The following TRIM24 variants were observed in gnomAD, a reference collection of about 807,000 sequenced individuals.
TRIM24 encodes transcription intermediary factor 1-alpha.
TRIM24 carries 29 observed loss-of-function variants against 123.9 expected under a neutral mutation model. That is an observed-to-expected ratio of 0.23 (90% CI 0.17 to 0.32). The LOEUF (loss-of-function observed/expected upper bound fraction) is 0.32. Among genes scored for constraint, TRIM24 ranks in the 10% least tolerant of loss-of-function variants. The pLI is 1.00. For missense variants in TRIM24, 932 were observed against 1,295.3 expected, an observed-to-expected ratio of 0.72 and a Z score of 4.31; for synonymous variants, 456 against 461.1, an observed-to-expected ratio of 0.99 and a Z score of 0.14.
rs189409243 is a variant in TRIM24, at chr7:138,585,590, G to A, written c.*639G>A. The A allele has an allele frequency of 1.3e-3, 381 of 303,112 alleles. 2 individuals are homozygous for A. Among genetic ancestry groups the A allele is most frequent in the African/African-American group, 0.01 (355 of 34,942 alleles). 18.8% of individuals were successfully genotyped at this position (303,112 alleles called of 1,614,324 possible). The stretch of plus-strand genomic sequence containing the variant: ...TTAAAGAAAAATCCGGAAAACAAAT[G>A]TTTGATTTTTGTTTTTGTTTTTATC... On this transcript the variant is annotated 3_prime_UTR_variant, in exon 19 of 19. Transcript: ENST00000343526.
chr7:138,573,440 A>C (rs1161310414), intron 11 of TRIM24, 67 bp from the exon 12 acceptor site: 28 of 1,391,974 alleles, frequency 2.0e-5, no homozygotes, highest in Non-Finnish European at 2.6e-5. Context: ...AAGCTTTCTT[A>C]TAAATTTAAA....
chr7:138,556,276 C>G (rs1797314913), intron 9 of TRIM24: 1 of 152,090 alleles, frequency 6.6e-6, no homozygotes, highest in Non-Finnish European at 1.5e-5. Context: ...CAGAATTTCA[C>G]TTGCTTAGAA....
intron 14 of TRIM24, among the ~76,000 whole-genome samples, chr7:138,578,563 T>TGTGTGCGC (rs145011901): frequency 1.6e-3 from 239 of 145,080 alleles, no homozygotes; most frequent in African/African-American, 2.3e-3. Context: ...TGTGTGTGTG[T>TGTGTGCGC]GCGCGCACGC....
chr7:138,535,149 T>G (rs1354539137), intron 6 of TRIM24, among the ~76,000 whole-genome samples: 1 of 152,222 alleles, frequency 6.6e-6, no homozygotes, highest in Non-Finnish European at 1.5e-5. Context: ...AGGACACTGA[T>G]GGGTCTTGAC....
At position 138,550,318 on chromosome 7, in the gene TRIM24, GGTGTGTGT is replaced by G. The variant is rs10548154; in HGVS notation, c.1144-725_1144-718del. Among the ~76,000 whole-genome samples the G allele has an allele frequency of 8.1e-5, 12 of 147,574 alleles. 2 individuals are homozygous for G. Among genetic ancestry groups the G allele is most frequent in the Admixed American group, 7.5e-4 (11 of 14,764 alleles). On this transcript the variant is annotated intron_variant, in intron 7 of 18. Transcript: ENST00000343526. ...TTGAGTGAGAGAAAGAGGAGTTGAT[GGTGTGTGT>G]GTGTGTGTGTGTGTGTGTGCAAAGT...
chr7:138,491,997 G>A (rs1795796816), intron 1 of TRIM24, among the ~76,000 whole-genome samples: 1 of 151,352 alleles, frequency 6.6e-6, no homozygotes, highest in Non-Finnish European at 1.5e-5. Context: ...AGGCACAGTG[G>A]CTGAACACTT....
Position 138,584,729 on chromosome 7 carries a change from T to A in TRIM24, c.2944-13T>A, listed in dbSNP as rs909002582. 3.2e-6 allele frequency: 5 copies of A among 1,574,616 alleles called. No individual in the cohort carries two copies. Among genetic ancestry groups the A allele is most frequent in the Middle Eastern group, 1.8e-4 (1 of 5,656 alleles). ...GTGTCCTTTTTTTACTCATTTTTAT[T>A]TTTACTCCACAGCCTGATTCAGAAG... On this transcript the variant is annotated splice_polypyrimidine_tract_variant and intron_variant, in intron 18 of 18. Transcript: ENST00000343526.
chr7:138,581,629 A>G, intron 16 of TRIM24, 68 bp from the exon 17 acceptor site: 2 of 1,355,636 alleles, frequency 1.5e-6, no homozygotes, highest in Non-Finnish European at 2.1e-6. Flanking sequence ...TGAGATTGTT[A>G]TTTAAAATAA....
At position 138,547,638 on chromosome 7, in the gene TRIM24, T is replaced by C. The variant is rs1161008959; in HGVS notation, c.1144-3425T>C. ...AGCATGACTGCTGCCTGGTAAACAC[T>C]TTGCTACATATTCTACCTAGTCCCA... is the stretch of plus-strand genomic sequence containing the variant. On this transcript the variant is annotated intron_variant, in intron 7 of 18. Coordinates refer to ENST00000343526, the MANE Select transcript of TRIM24 (RefSeq NM_015905.3). Among the ~76,000 whole-genome samples the C allele has an allele frequency of 3.9e-5, 6 of 152,186 alleles. No homozygotes were observed. The East Asian group carries it at 1.2e-3, about 29-fold the overall frequency.
rs533791306 is a variant in TRIM24 at position 138,549,830 on chromosome 7, G to C, written c.1144-1233G>C. ...ACAGAAGAGGGATGAAAATTACTGG[G>C]CAGGCAAGACGGGGTGTGCTTTACT... On this transcript the variant is annotated intron_variant, in intron 7 of 18. Coordinates refer to ENST00000343526, the MANE Select transcript of TRIM24 (RefSeq NM_015905.3). Among the ~76,000 whole-genome samples, 13 of 152,244 alleles carry C rather than the reference G, an allele frequency of 8.5e-5. No homozygotes were observed. In the East Asian group the frequency reaches 2.5e-3, roughly 29 times the overall value.
chr7:138,546,896 A>G (rs1797112587), intron 7 of TRIM24, among the ~76,000 whole-genome samples: 1 of 152,228 alleles, frequency 6.6e-6, no homozygotes, highest in African/African-American at 2.4e-5. Context: ...GAAAAATTAC[A>G]TATAGAAGTA....
At chr7:138,527,056 T>C (rs985299) in intron 5 of TRIM24, among the ~76,000 whole-genome samples, 122,405 of 151,934 alleles carry the variant, frequency 0.81, 49,595 homozygotes, top group African/African-American at 0.84. Context: ...TTTTTTTATG[T>C]ACCGCTGTCA....
intron 3 of TRIM24, among the ~76,000 whole-genome samples, chr7:138,517,371 T>G (rs993566478): frequency 6.6e-6 from 1 of 152,032 alleles, no homozygotes; most frequent in African/African-American, 2.4e-5. Context: ...TGTTTTGTTT[T>G]GTTTTGTTTT....
intron 3 of TRIM24, 105 bp downstream of exon 3, chr7:138,515,464 A>C (rs867731558): frequency 7.5e-7 from 1 of 1,334,896 alleles, no homozygotes; most frequent in Non-Finnish European, 1.0e-6. Context: ...AGTATTAAAT[A>C]TACTGTTTTA....
At chr7:138,574,634 T>A (rs1217631978) in intron 12 of TRIM24, among the ~76,000 whole-genome samples, 1 of 152,164 alleles carries the variant, frequency 6.6e-6, no homozygotes, top group Non-Finnish European at 1.5e-5. Flanking sequence ...AGTTACTGAA[T>A]TAGCTAAGAC....
chr7:138,488,237 C>A (rs1407307025), intron 1 of TRIM24, among the ~76,000 whole-genome samples: 1 of 149,414 alleles, frequency 6.7e-6, no homozygotes, highest in Non-Finnish European at 1.5e-5. Flanking sequence ...TCTCTTTTTT[C>A]TTCTTTATTA....
intron 1 of TRIM24, among the ~76,000 whole-genome samples, chr7:138,474,190 A>G (rs1795347145): frequency 7.1e-6 from 1 of 141,824 alleles, no homozygotes; most frequent in African/African-American, 2.7e-5. Context: ...CAGTGGCGCT[A>G]TCTCAGCTCA....
intron 1 of TRIM24, among the ~76,000 whole-genome samples, chr7:138,468,936 A>G (rs1405180048): frequency 6.6e-6 from 1 of 152,196 alleles, no homozygotes; most frequent in Non-Finnish European, 1.5e-5. Context: ...TCCATGAACC[A>G]TGATCACAAA....
At chr7:138,570,714 C>A in intron 10 of TRIM24, 116 bp from the exon 11 acceptor site, 2 of 923,298 alleles carry the variant, frequency 2.2e-6, no homozygotes, top group Non-Finnish European at 3.2e-6. Flanking sequence ...GTCCCATTCT[C>A]CTTCCATGTA....
Sources: gnomAD v4.1 joint callset for allele counts (sites outside exome capture counted in the v4.1 genomes callset) on GRCh38, gnomAD v4.1.1 for gene constraint, MANE v1.5 for transcripts, NCBI Gene and HGNC (gene_info 2026-07-23, HGNC 2026-07-21) for gene names.